KCNK2: variants seen among roughly 807,000 people sequenced by gnomAD.
KCNK2 encodes potassium channel subfamily K member 2.
KCNK2 carries 21 observed loss-of-function variants against 40.5 expected under a neutral mutation model. That is an observed-to-expected ratio of 0.52 (90% CI 0.37 to 0.75). KCNK2 has a LOEUF of 0.75. Ranked by LOEUF, KCNK2 falls within the 30% of genes least tolerant of loss-of-function variation. KCNK2 has a pLI of 0.00. For missense variants in KCNK2, 399 were observed against 531.6 expected (o/e 0.75, Z 2.45); for synonymous variants, 191 against 202.2 (o/e 0.94, Z 0.47).
chr1:215,150,036 C>T (rs1662615556), intron 3 of KCNK2, among the ~76,000 whole-genome samples: 1 of 152,078 alleles, frequency 6.6e-6, no homozygotes, highest in Non-Finnish European at 1.5e-5. Flanking sequence ...TACGGAACTT[C>T]TGATTATAGA....
At chr1:215,139,216 T>A (rs983841009) in intron 3 of KCNK2, among the ~76,000 whole-genome samples, 4 of 152,184 alleles carry the variant, frequency 2.6e-5, no homozygotes, top group Non-Finnish European at 5.9e-5. Context: ...TTACCATTTC[T>A]TATCATTCTA....
chr1:215,164,628 T>C (rs1040164138), intron 3 of KCNK2, among the ~76,000 whole-genome samples: 11 of 152,226 alleles, frequency 7.2e-5, no homozygotes, highest in African/African-American at 2.7e-4. Context: ...TTTGTTCTCA[T>C]TGGTTTCAAA....
intron 1 of KCNK2, among the ~76,000 whole-genome samples, chr1:215,058,404 T>G (rs1266980753): frequency 6.6e-6 from 1 of 152,210 alleles, no homozygotes; most frequent in East Asian, 1.9e-4. Flanking sequence ...TTTTCTCCTC[T>G]ATATATCTTT....
chr1:215,076,552 A>G (rs1658934114), intron 1 of KCNK2, among the ~76,000 whole-genome samples: 1 of 152,326 alleles, frequency 6.6e-6, no homozygotes, highest in South Asian at 2.1e-4. Context: ...TGGAGGGTTG[A>G]TTTATGATGG....
At chr1:215,022,974 A>C (rs1230459815) in intron 1 of KCNK2, among the ~76,000 whole-genome samples, 1 of 152,180 alleles carries the variant, frequency 6.6e-6, no homozygotes, top group Non-Finnish European at 1.5e-5. Context: ...CATGGGTAAA[A>C]AGAATTACTA....
chr1:215,129,221 A>AT (rs941475483), intron 3 of KCNK2, among the ~76,000 whole-genome samples: 20 of 152,118 alleles, frequency 1.3e-4, no homozygotes, highest in South Asian at 6.2e-4. Flanking sequence ...GTGCTAGTTG[A>AT]TTTTTTTTGT....
At chr1:215,174,843 C>A (rs1251036145) in intron 5 of KCNK2, among the ~76,000 whole-genome samples, 2 of 152,122 alleles carry the variant, frequency 1.3e-5, no homozygotes, top group Non-Finnish European at 2.9e-5. Context: ...GCTGAAGGTG[C>A]TTATCAGCTT....
chr1:215,096,436 T>G (rs1659980166), intron 2 of KCNK2, among the ~76,000 whole-genome samples: 1 of 151,968 alleles, frequency 6.6e-6, no homozygotes, highest in Non-Finnish European at 1.5e-5. Context: ...TGCATAATGA[T>G]TAAATCTGGG....
At position 215,086,644 on chromosome 1, in the gene KCNK2, G is replaced by C. The variant is rs1439568923; in HGVS notation, c.323G>C (p.Cys108Ser). Reference sequence around the variant, plus strand: ...CAAACATTCATATCCCAACATTCCTGTGTCAATTCGACGGAGCTGGATGAA... The same window carrying C: ...CAAACATTCATATCCCAACATTCCTCTGTCAATTCGACGGAGCTGGATGAA... ...QKQTFISQHS[C>S]VNSTELDELI... The change falls in exon 2 of 7, where the codon TGT becomes TCT. Residue 108 changes from cysteine (C) to serine (S), a missense_variant. Physicochemically the swap from Cys to Ser is moderately radical, Grantham distance 112. Transcript: ENST00000444842. The C allele has an allele frequency of 6.2e-7, 1 of 1,614,118 alleles. No homozygotes were observed. The highest frequency in any genetic ancestry group is 8.5e-7 in the Non-Finnish European group (1 of 1,179,986).
chr1:215,134,277 G>A (rs1661802769), intron 3 of KCNK2, among the ~76,000 whole-genome samples: 1 of 152,122 alleles, frequency 6.6e-6, no homozygotes. Flanking sequence ...TCCCACAGGT[G>A]AAGGGCTCAG....
chr1:215,198,820 A>G (rs559886614), intron 6 of KCNK2, among the ~76,000 whole-genome samples: 1 of 152,362 alleles, frequency 6.6e-6, no homozygotes, highest in Admixed American at 6.5e-5. Flanking sequence ...TATAAAAAAT[A>G]CAAAATTAAA....
At chr1:215,229,217 T>C (rs1666519686) in intron 6 of KCNK2, among the ~76,000 whole-genome samples, 1 of 151,862 alleles carries the variant, frequency 6.6e-6, no homozygotes, top group Non-Finnish European at 1.5e-5. Flanking sequence ...CTTTTTTTTT[T>C]TTTTTTGAAT....
chr1:215,006,453 A>G (rs984810002), intron 1 of KCNK2, among the ~76,000 whole-genome samples: 1 of 152,134 alleles, frequency 6.6e-6, no homozygotes, highest in South Asian at 2.1e-4. Context: ...TGGGGAAGAA[A>G]AGGTACGATA....
At chr1:215,053,424 C>T (rs1658055771) in intron 1 of KCNK2, among the ~76,000 whole-genome samples, 1 of 151,966 alleles carries the variant, frequency 6.6e-6, no homozygotes, top group Admixed American at 6.6e-5. Flanking sequence ...ACTTTGTTGA[C>T]TAAGCAGTAA....
chr1:215,078,338 C>T (rs148494474), upstream of KCNK2, among the ~76,000 whole-genome samples: 416 of 152,294 alleles, frequency 2.7e-3, 4 homozygotes, highest in African/African-American at 9.6e-3. Flanking sequence ...CTTTTTAGAA[C>T]TGAATTGGTC....
intron 2 of KCNK2, among the ~76,000 whole-genome samples, chr1:215,101,096 A>G (rs1041279325): frequency 1.3e-5 from 2 of 152,064 alleles, no homozygotes; most frequent in African/African-American, 2.4e-5. Flanking sequence ...ATGTTCGTTC[A>G]TTTATCCATT....
At chr1:215,112,305 T>C (rs1342395381) in intron 2 of KCNK2, among the ~76,000 whole-genome samples, 1 of 151,826 alleles carries the variant, frequency 6.6e-6, no homozygotes, top group Non-Finnish European at 1.5e-5. Flanking sequence ...GATGATTTGT[T>C]TGTGTCTTAG....
At chr1:215,112,745 C>G (rs2102565062) in intron 2 of KCNK2, among the ~76,000 whole-genome samples, 1 of 152,282 alleles carries the variant, frequency 6.6e-6, no homozygotes, top group South Asian at 2.1e-4. Context: ...CATTGTCTTA[C>G]AGTTGCCTTA....
rs1659260580 is a variant in KCNK2, at chr1:215,083,293, G to A, written c.-93G>A. On this transcript the variant is annotated 5_prime_UTR_variant, in exon 1 of 7. Transcript: ENST00000444842. ...CCGTGCAGCTCGGAGCGCGCAGCCC[G>A]TCTCTGAATAAGAAGTGAGTACAAT... 1 of 1,432,740 alleles carries A rather than the reference G, an allele frequency of 7.0e-7. No homozygotes were observed. The highest frequency in any genetic ancestry group is 9.4e-7 in the Non-Finnish European group (1 of 1,064,442). 88.8% of individuals were successfully genotyped at this position (1,432,740 alleles called of 1,614,324 possible). A position where few individuals can be genotyped will look rare whatever the true frequency, so the allele number is the denominator to read the frequency against.
Sources: allele counts gnomAD v4.1 joint callset (sites outside exome capture counted in the v4.1 genomes callset), GRCh38; gene constraint gnomAD v4.1.1; transcripts MANE v1.5; gene names NCBI Gene and HGNC (gene_info 2026-07-23, HGNC 2026-07-21).